Variants in MAD1L1 observed in about 807,000 individuals in gnomAD.
MAD1L1 encodes the protein mitotic spindle assembly checkpoint protein MAD1.
MAD1L1 carries 95 observed loss-of-function variants against 96.9 expected under a neutral mutation model. The observed-to-expected ratio is 0.98, with a 90% CI of 0.83 to 1.16. The LOEUF (loss-of-function observed/expected upper bound fraction) is 1.16. Ranked by LOEUF, MAD1L1 falls within the 50% of genes most tolerant of loss-of-function variation. The pLI is 0.00. For missense variants in MAD1L1, 1,007 were observed against 954.4 expected (o/e 1.06, Z -0.73); for synonymous variants, 473 against 396.6 (o/e 1.19, Z -2.29).
chr7:1,914,473 C>A (rs569908690), intron 17 of MAD1L1, among the ~76,000 whole-genome samples: 11 of 152,348 alleles, frequency 7.2e-5, no homozygotes, highest in African/African-American at 2.4e-4. Flanking sequence ...TGTGCCAAGG[C>A]ACGTGGGTGC....
At chr7:1,824,002 G>A (rs1411828982) in intron 18 of MAD1L1, among the ~76,000 whole-genome samples, 1 of 152,172 alleles carries the variant, frequency 6.6e-6, no homozygotes, top group Non-Finnish European at 1.5e-5. Context: ...CCCATTTGTG[G>A]GGGGACGGAG....
At chr7:1,907,818 C>T (rs543667910) in intron 17 of MAD1L1, among the ~76,000 whole-genome samples, 131 of 152,354 alleles carry the variant, frequency 8.6e-4, no homozygotes, top group Non-Finnish European at 1.6e-3. Flanking sequence ...GTGCTCGGCG[C>T]GGGATCTGAG....
At chr7:1,918,389 C>T (rs776929717) in intron 17 of MAD1L1, among the ~76,000 whole-genome samples, 5 of 152,296 alleles carry the variant, frequency 3.3e-5, no homozygotes, top group Non-Finnish European at 7.4e-5. Context: ...CCCTCGGCTC[C>T]GTCTTGGGGC....
chr7:1,819,280 C>T (rs975940971), intron 18 of MAD1L1, among the ~76,000 whole-genome samples: 3 of 152,190 alleles, frequency 2.0e-5, no homozygotes, highest in Non-Finnish European at 2.9e-5. Context: ...GCTGCCTGCG[C>T]GCAGGCTCTG....
At chr7:1,858,857 C>T (rs1784384762) in intron 18 of MAD1L1, among the ~76,000 whole-genome samples, 1 of 152,222 alleles carries the variant, frequency 6.6e-6, no homozygotes, top group South Asian at 2.1e-4. Flanking sequence ...CTCCTGGCTT[C>T]AGGGACAGGG....
intron 16 of MAD1L1, among the ~76,000 whole-genome samples, chr7:1,946,017 G>A (rs1014930603): frequency 2.0e-5 from 3 of 152,156 alleles, no homozygotes; most frequent in Non-Finnish European, 2.9e-5. Flanking sequence ...GGGCCAGGAG[G>A]CAATGGACAC....
chr7:1,877,999 A>T (rs4721140), intron 18 of MAD1L1, among the ~76,000 whole-genome samples: 45,360 of 151,932 alleles, frequency 0.3, 8,107 homozygotes, highest in African/African-American at 0.5. Context: ...GGAAGAAGGG[A>T]TGGCACTACA....
At chr7:1,996,238 C>G (rs1781552607) in intron 14 of MAD1L1, among the ~76,000 whole-genome samples, 5 of 145,726 alleles carry the variant, frequency 3.4e-5, no homozygotes, top group African/African-American at 1.0e-4. Flanking sequence ...AGGGTCCCCC[C>G]GGGTCTACAC....
intron 18 of MAD1L1, among the ~76,000 whole-genome samples, chr7:1,859,748 G>A (rs191079910): frequency 3.3e-5 from 5 of 151,788 alleles, no homozygotes; most frequent in South Asian, 2.1e-4. Context: ...CCTGCAGGGC[G>A]GCCTCTGTTC....
At chr7:2,228,201 A>G (rs1183298870) in intron 3 of MAD1L1, among the ~76,000 whole-genome samples, 2 of 151,898 alleles carry the variant, frequency 1.3e-5, no homozygotes, top group East Asian at 1.9e-4. Flanking sequence ...GCCCCAAGAC[A>G]GACTCTAGAA....
chr7:1,990,542 G>A (rs985538563), intron 14 of MAD1L1, among the ~76,000 whole-genome samples: 1 of 152,240 alleles, frequency 6.6e-6, no homozygotes, highest in African/African-American at 2.4e-5. Context: ...CCTGAGCTGG[G>A]AAATGCTTTC....
At chr7:1,911,489 G>A (rs1185944459) in intron 17 of MAD1L1, among the ~76,000 whole-genome samples, 1 of 152,196 alleles carries the variant, frequency 6.6e-6, no homozygotes, top group Non-Finnish European at 1.5e-5. Flanking sequence ...GCCGCTACAA[G>A]TCCACAGTCC....
In MAD1L1 at chr7:2,146,275, C is replaced by T. The variant is rs1290623154; in HGVS notation, c.1073+2877G>A. Among the ~76,000 whole-genome samples the T allele has an allele frequency of 6.7e-6, 1 of 149,948 alleles. No individual in the cohort carries two copies. ...GCACCGGGCACTGGGCTACGAGGAA[C>T]AGGGTACCACCTCGATGAGGGAGCA... On this transcript the variant is annotated intron_variant, in intron 11 of 18. Transcript: ENST00000265854. The surrounding 1 kb of genome is among the most constrained non-coding windows in gnomAD (Gnocchi z 6.2).
intron 18 of MAD1L1, among the ~76,000 whole-genome samples, chr7:1,876,053 G>A (rs1327761597): frequency 2.6e-5 from 4 of 152,324 alleles, no homozygotes; most frequent in South Asian, 2.1e-4. Flanking sequence ...TGAGACACAC[G>A]TTTGCGGTCT....
At chr7:2,230,328 A>G in intron 2 of MAD1L1, 185 bp from the exon 3 acceptor site, 1 of 525,702 alleles carries the variant, frequency 1.9e-6, no homozygotes, top group Non-Finnish European at 3.4e-6. Flanking sequence ...CCAGACAAAA[A>G]ATGGAAGCAA....
At chr7:2,015,982 G>C (rs1184649740) in intron 12 of MAD1L1, among the ~76,000 whole-genome samples, 2 of 152,202 alleles carry the variant, frequency 1.3e-5, no homozygotes, top group Non-Finnish European at 2.9e-5. Flanking sequence ...AAGCGGATGG[G>C]TATCTATAAG....
At chr7:2,102,196 C>CCACCGT (rs1254103933) in intron 11 of MAD1L1, among the ~76,000 whole-genome samples, 1 of 103,676 alleles carries the variant, frequency 9.6e-6, no homozygotes, top group African/African-American at 3.0e-5. Context: ...ACCACCATCA[C>CCACCGT]CACCGTCACC....
intron 11 of MAD1L1, among the ~76,000 whole-genome samples, chr7:2,084,286 G>A (rs1013592079): frequency 2.0e-5 from 3 of 152,228 alleles, no homozygotes; most frequent in Non-Finnish European, 4.4e-5. Flanking sequence ...GACAGAAAGG[G>A]CCTGTCCACA....
At chr7:2,152,458 C>T (rs1639895) in intron 10 of MAD1L1, among the ~76,000 whole-genome samples, 42,992 of 152,144 alleles carry the variant, frequency 0.28, 6,366 homozygotes, top group Middle Eastern at 0.33. Flanking sequence ...CCAAGCCTCA[C>T]GAGCCCTGTC....
Sources: gnomAD v4.1 joint callset for allele counts (sites outside exome capture counted in the v4.1 genomes callset) on GRCh38, gnomAD v4.1.1 for gene constraint, Gnocchi (gnomAD v3.1) non-coding constraint, MANE v1.5 for transcripts, NCBI Gene and HGNC (gene_info 2026-07-23, HGNC 2026-07-21) for gene names.